CFAP299: variants seen among roughly 807,000 people sequenced by gnomAD.
CFAP299 encodes cilia and flagella associated protein 299.
Under a neutral mutation model 27.0 loss-of-function variants are expected in CFAP299, and 21 were observed. That is an observed-to-expected ratio of 0.78 (90% CI 0.55 to 1.12). CFAP299 has a LOEUF of 1.12. Among genes scored for constraint, CFAP299 ranks in the 50% most tolerant of loss-of-function variants. The probability of loss-of-function intolerance (pLI) is 0.00; values close to 1 mark genes in which losing one functional copy is unlikely to be tolerated. For synonymous variants in CFAP299, 104 were observed against 98.1 expected (o/e 1.06, Z -0.36); for missense variants, 310 against 276.6 (o/e 1.12, Z -0.86).
chr4:80,838,992 A>C (rs572783146), intron 3 of CFAP299, among the ~76,000 whole-genome samples: 7 of 152,108 alleles, frequency 4.6e-5, no homozygotes, highest in Non-Finnish European at 2.9e-5. Context: ...ACAGTGATAC[A>C]TTTCTTCTCC....
intron 2 of CFAP299, among the ~76,000 whole-genome samples, chr4:80,390,661 G>T (rs1006151035): frequency 2.2e-5 from 3 of 133,462 alleles, no homozygotes; most frequent in African/African-American, 8.6e-5. Flanking sequence ...ACACACATAT[G>T]TATATATGTA....
chr4:80,615,081 A>G (rs1448112364), intron 3 of CFAP299, among the ~76,000 whole-genome samples: 4 of 152,148 alleles, frequency 2.6e-5, no homozygotes, highest in Admixed American at 2.0e-4. Flanking sequence ...GATGTATTTT[A>G]TTTGAAAATT....
chr4:80,799,714 A>C (rs1317664522), intron 3 of CFAP299, among the ~76,000 whole-genome samples: 2 of 55,946 alleles, frequency 3.6e-5, no homozygotes, highest in African/African-American at 1.6e-4. Context: ...TATATTTTAT[A>C]TATTATATTT....
In CFAP299 at chr4:80,496,474, G is replaced by C. The variant is rs74803210; in HGVS notation, c.243-86619G>C. Among the ~76,000 whole-genome samples, 6 of 152,234 alleles carry C rather than the reference G, an allele frequency of 3.9e-5. No homozygotes were observed. The East Asian group carries it at 1.2e-3, about 29-fold the overall frequency. ...CCCAATAAGTTCCTCATTTCCATGT[G>C]AGATCTCATCAGCCTGGCCTACATT... On this transcript the variant is annotated intron_variant, in intron 2 of 5. Transcript: ENST00000358105.
intron 4 of CFAP299, among the ~76,000 whole-genome samples, chr4:80,926,960 A>G (rs1736339755): frequency 6.6e-6 from 1 of 152,096 alleles, no homozygotes; most frequent in African/African-American, 2.4e-5. Context: ...CTTGATTCTT[A>G]CTACCATCAC....
rs188239891 is a variant in CFAP299 at position 80,530,397 on chromosome 4, T to C, written c.243-52696T>C. On this transcript the variant is annotated intron_variant, in intron 2 of 5. Transcript: ENST00000358105. ...TATAGGTACTCTCCTGCTATAATGA[T>C]ATTTTCTGGACAGTATCAAAAAAGT... Among the ~76,000 whole-genome samples the C allele has an allele frequency of 1.1e-3, 170 of 152,314 alleles. 1 individual carries two copies. Among genetic ancestry groups the C allele is most frequent in the Non-Finnish European group, 2.0e-3 (134 of 68,014 alleles).
chr4:80,572,619 G>A (rs1351226368), intron 2 of CFAP299, among the ~76,000 whole-genome samples: 2 of 144,494 alleles, frequency 1.4e-5, no homozygotes, highest in South Asian at 2.3e-4. Flanking sequence ...CCAGGTTCAA[G>A]TGATTATCCT....
At chr4:80,721,293 A>G (rs2110045747) in intron 3 of CFAP299, among the ~76,000 whole-genome samples, 1 of 152,318 alleles carries the variant, frequency 6.6e-6, no homozygotes, top group East Asian at 1.9e-4. Context: ...TTTGTTTTCT[A>G]GTGGTGTCAT....
intron 3 of CFAP299, among the ~76,000 whole-genome samples, chr4:80,757,448 A>G (rs1310871219): frequency 6.6e-6 from 1 of 152,124 alleles, no homozygotes; most frequent in Non-Finnish European, 1.5e-5. Flanking sequence ...GGGAATTTCT[A>G]TTATTTTTAC....
intron 2 of CFAP299, among the ~76,000 whole-genome samples, chr4:80,489,598 A>G (rs1426918841): frequency 1.3e-5 from 2 of 152,170 alleles, no homozygotes; most frequent in Non-Finnish European, 2.9e-5. Flanking sequence ...AAGCACTTTA[A>G]TTCAGACAGC....
intron 4 of CFAP299, among the ~76,000 whole-genome samples, chr4:80,889,666 A>T (rs1560464300): frequency 6.6e-6 from 1 of 152,112 alleles, no homozygotes. Flanking sequence ...ACAAAAACAT[A>T]TCTAAAATGG....
chr4:80,459,916 G>A (rs912459765), intron 2 of CFAP299, among the ~76,000 whole-genome samples: 6 of 152,126 alleles, frequency 3.9e-5, no homozygotes, highest in African/African-American at 1.4e-4. Context: ...CTGACAAAAG[G>A]CAGGTTAATA....
At chr4:80,613,061 G>A (rs575565055) in intron 3 of CFAP299, among the ~76,000 whole-genome samples, 10 of 152,110 alleles carry the variant, frequency 6.6e-5, no homozygotes, top group Non-Finnish European at 1.0e-4. Context: ...TCCTACATGA[G>A]ATATGCAACT....
At chr4:80,393,920 C>A (rs1725634195) in intron 2 of CFAP299, among the ~76,000 whole-genome samples, 1 of 152,036 alleles carries the variant, frequency 6.6e-6, no homozygotes. Flanking sequence ...ACACGTGATC[C>A]CCACATGTCA....
In CFAP299 at chr4:80,567,353, T is replaced by C. The variant is rs114857105; in HGVS notation, c.243-15740T>C. On this transcript the variant is annotated intron_variant, in intron 2 of 5. Transcript: ENST00000358105. ...TAAATGAATTTCATTTCTCAAGTTA[T>C]GTTCTCCTTTTCTGAAAGTTATTAA... is the stretch of plus-strand genomic sequence containing the variant. Among the ~76,000 whole-genome samples, 324 of 152,234 alleles carry C rather than the reference T, an allele frequency of 2.1e-3. 1 individual carries two copies. Among genetic ancestry groups the C allele is most frequent in the African/African-American group, 7.3e-3 (304 of 41,582 alleles).
chr4:80,673,263 A>G (rs1346613231), intron 3 of CFAP299, among the ~76,000 whole-genome samples: 1 of 151,894 alleles, frequency 6.6e-6, no homozygotes, highest in Non-Finnish European at 1.5e-5. Context: ...TCATTTCGTT[A>G]TTTACCCAGT....
intron 1 of CFAP299, among the ~76,000 whole-genome samples, chr4:80,346,417 T>G (rs985512274): frequency 6.6e-6 from 1 of 152,234 alleles, no homozygotes; most frequent in African/African-American, 2.4e-5. Flanking sequence ...GGTCTAACAT[T>G]TAAGTCTTTA....
chr4:80,962,872 TACCTAA>T (rs1738414364), intron 5 of CFAP299, among the ~76,000 whole-genome samples: 1 of 152,024 alleles, frequency 6.6e-6, no homozygotes, highest in Admixed American at 6.6e-5. Flanking sequence ...GCATCAGCTT[TACCTAA>T]ACTTCTTTCT....
At chr4:80,897,970 G>GC (rs2110192377) in intron 4 of CFAP299, among the ~76,000 whole-genome samples, 1 of 152,300 alleles carries the variant, frequency 6.6e-6, no homozygotes, top group African/African-American at 2.4e-5. Context: ...CGGTGCAGGA[G>GC]CCAGGGCAAG....
Sources: allele counts gnomAD v4.1 joint callset (sites outside exome capture counted in the v4.1 genomes callset), GRCh38; gene constraint gnomAD v4.1.1; transcripts MANE v1.5; gene names NCBI Gene and HGNC (gene_info 2026-07-23, HGNC 2026-07-21).